Variants in VSTM2L observed in about 807,000 individuals in gnomAD.
The protein encoded by VSTM2L is V-set and transmembrane domain containing 2 like.
A neutral mutation model predicts 19.9 loss-of-function variants in VSTM2L; 9 were observed. The observed-to-expected ratio is 0.45, with a 90% CI of 0.27 to 0.79. The LOEUF is 0.79. VSTM2L is among the 30% of genes least tolerant of loss of function. The pLI, the probability that VSTM2L is intolerant of heterozygous loss-of-function variation, is 0.15. For synonymous variants in VSTM2L, 127 were observed against 133.8 expected (o/e 0.95, Z 0.35); for missense variants, 286 against 295.5 (o/e 0.97, Z 0.24).
chr20:37,913,244 C>T (rs932425936), intron 1 of VSTM2L, among the ~76,000 whole-genome samples: 3 of 152,164 alleles, frequency 2.0e-5, no homozygotes, highest in Admixed American at 1.3e-4. Context: ...TGGATTGTTT[C>T]CTCAAAAAAA....
chr20:37,921,397 G>C (rs1374951170), intron 1 of VSTM2L, among the ~76,000 whole-genome samples: 1 of 152,214 alleles, frequency 6.6e-6, no homozygotes, highest in Non-Finnish European at 1.5e-5. Flanking sequence ...TGAGGCCCAA[G>C]TACGGGAGCT....
chr20:37,941,390 G>T (rs1221020039), intron 3 of VSTM2L, among the ~76,000 whole-genome samples: 1 of 152,226 alleles, frequency 6.6e-6, no homozygotes, highest in Non-Finnish European at 1.5e-5. Flanking sequence ...AGAGGGCCCA[G>T]CACGCGCAAA....
intron 1 of VSTM2L, among the ~76,000 whole-genome samples, chr20:37,914,699 C>A (rs547792230): frequency 6.6e-6 from 1 of 152,154 alleles, no homozygotes; most frequent in Non-Finnish European, 1.5e-5. Flanking sequence ...CCGCATCGCA[C>A]GGCCCGCAGC....
rs186585114 is a variant in VSTM2L, at chr20:37,924,369, A to G, written c.122-7266A>G. 2.6e-5 allele frequency among the ~76,000 whole-genome samples: 4 copies of G among 152,222 alleles called. No homozygotes were observed. In the East Asian group the frequency reaches 5.8e-4, roughly 22 times the overall value. On this transcript the variant is annotated intron_variant, in intron 1 of 3. Transcript: ENST00000373461. ...GGAGTTTGAGACCAGCCTGGCCAACATGGTGAAACTCCATCTCTACTAAAA... is the reference window on the plus strand; with the variant it reads ...GGAGTTTGAGACCAGCCTGGCCAACGTGGTGAAACTCCATCTCTACTAAAA...
At chr20:37,926,959 A>G (rs1482655391) in intron 1 of VSTM2L, among the ~76,000 whole-genome samples, 1 of 152,206 alleles carries the variant, frequency 6.6e-6, no homozygotes, top group Non-Finnish European at 1.5e-5. Flanking sequence ...AGAGTGGAAC[A>G]TGTCTCATTA....
intron 1 of VSTM2L, among the ~76,000 whole-genome samples, chr20:37,921,072 C>T (rs1389054271): frequency 6.6e-6 from 1 of 152,196 alleles, no homozygotes; most frequent in African/African-American, 2.4e-5. Context: ...TGTCATATAA[C>T]ACACTCCAGA....
chr20:37,923,138 G>A (rs2072861671), intron 1 of VSTM2L, among the ~76,000 whole-genome samples: 1 of 152,200 alleles, frequency 6.6e-6, no homozygotes. Context: ...CCGAGGCTCT[G>A]AGAAGCAAAG....
intron 1 of VSTM2L, among the ~76,000 whole-genome samples, chr20:37,906,317 G>A (rs2072751851): frequency 6.6e-6 from 1 of 152,210 alleles, no homozygotes; most frequent in South Asian, 2.1e-4. Flanking sequence ...AATGAATGGG[G>A]AGCATGTATC....
At chr20:37,943,051 G>A (rs1260660961) in intron 3 of VSTM2L, among the ~76,000 whole-genome samples, 1 of 151,208 alleles carries the variant, frequency 6.6e-6, no homozygotes, top group Non-Finnish European at 1.5e-5. Flanking sequence ...TGCAACCTCC[G>A]CCTCCTGGGT....
intron 1 of VSTM2L, among the ~76,000 whole-genome samples, chr20:37,912,809 ATCTC>A (rs371356971): frequency 2.0e-5 from 3 of 151,332 alleles, no homozygotes; most frequent in Non-Finnish European, 3.0e-5. Flanking sequence ...TACTCTCTGG[ATCTC>A]TCTCTCTCCC....
At chr20:37,924,863 CGG>C (rs1774039745) in intron 1 of VSTM2L, among the ~76,000 whole-genome samples, 1 of 152,076 alleles carries the variant, frequency 6.6e-6, no homozygotes, top group Non-Finnish European at 1.5e-5. Flanking sequence ...AAGTGGGATG[CGG>C]AAGTGTGGAG....
Position 37,903,425 on chromosome 20 carries a change from G to A in VSTM2L, c.75G>A (p.Thr25=). Residue 25 remains threonine, a synonymous_variant, in exon 1 of 4, where the codon ACG becomes ACA. Transcript: ENST00000373461. ...LALFLQLGGA[T]RPAGHAPWDN... is the part of the protein sequence containing the mutation. ...TTTTCCTGCAACTCGGCGGCGCCAC[G>A]CGGCCCGCCGGCCACGCGCCCTGGG... 1 of 1,487,816 alleles carries A rather than the reference G, an allele frequency of 6.7e-7. No individual in the cohort carries two copies. Among genetic ancestry groups the A allele is most frequent in the South Asian group, 1.3e-5 (1 of 79,410 alleles). The allele number at this position is 1,487,816 out of a possible 1,614,324, so 92.2% of individuals were successfully genotyped here.
chr20:37,943,078 G>A (rs2072982445), intron 3 of VSTM2L, among the ~76,000 whole-genome samples: 1 of 151,182 alleles, frequency 6.6e-6, no homozygotes, highest in African/African-American at 2.4e-5. Context: ...AGTGATTTTC[G>A]TGCCTCAGTC....
rs532819005 is a variant in VSTM2L at position 37,944,196 on chromosome 20, C to G, written c.558C>G (p.Pro186=). Residue 186 remains proline, a synonymous_variant, in exon 4 of 4, where the codon CCC becomes CCG. Coordinates refer to ENST00000373461, the MANE Select transcript of VSTM2L (RefSeq NM_080607.3). ...APPAAPAPPP[P]KPGKELRKRS... is the part of the protein sequence containing the mutation. ...CCGCCGCGCCCGCCCCGCCGCCCCC[C>G]AAGCCAGGCAAGGAGCTGAGGAAGC... is the stretch of plus-strand genomic sequence containing the variant. 198 of 1,539,774 alleles carry G rather than the reference C, an allele frequency of 1.3e-4. No homozygotes were observed. The African/African-American group carries it at 2.6e-3, about 20-fold the overall frequency.
chr20:37,903,173 G>A lies in VSTM2L; in HGVS notation c.-178G>A, dbSNP rs552627302. ...GGCGTGCGCTCGCTCCCCGAAGCCG[G>A]GGCTGGGCCGGAGCCGGGCGAGGGC... is the stretch of plus-strand genomic sequence containing the variant. On this transcript the variant is annotated 5_prime_UTR_variant, in exon 1 of 4. Coordinates refer to ENST00000373461, the MANE Select transcript of VSTM2L (RefSeq NM_080607.3). 1 of 843,582 alleles carries A rather than the reference G, an allele frequency of 1.2e-6. No individual in the cohort carries two copies. Among genetic ancestry groups the A allele is most frequent in the Admixed American group, 4.7e-5 (1 of 21,476 alleles). 52.3% of individuals were successfully genotyped at this position (843,582 alleles called of 1,614,324 possible). A position where few individuals can be genotyped will look rare whatever the true frequency, so the allele number is the denominator to read the frequency against.
chr20:37,945,288 G>A lies in VSTM2L; in HGVS notation c.*1035G>A. 1 of 985,348 alleles carries A rather than the reference G, an allele frequency of 1.0e-6. No homozygotes were observed. The highest frequency in any genetic ancestry group is 1.2e-6 in the Non-Finnish European group (1 of 829,856). The allele number at this position is 985,348 out of a possible 1,614,324, so 61.0% of individuals were successfully genotyped here. A position where few individuals can be genotyped will look rare whatever the true frequency, so the allele number is the denominator to read the frequency against. ...CGAGGGCTTTGCCTAGGGGTGGGTT[G>A]CCCTGTATACATGATCCAGTCTGTG... On this transcript the variant is annotated 3_prime_UTR_variant, in exon 4 of 4. Coordinates refer to ENST00000373461, the MANE Select transcript of VSTM2L (RefSeq NM_080607.3).
At chr20:37,903,789 TCTC>T (rs1204440788) in intron 1 of VSTM2L, among the ~76,000 whole-genome samples, 1 of 151,954 alleles carries the variant, frequency 6.6e-6, no homozygotes, top group Non-Finnish European at 1.5e-5. Flanking sequence ...ACCCTGCACA[TCTC>T]CACACACCTC....
rs571245630 is a variant in VSTM2L at position 37,912,405 on chromosome 20, T to C, written c.121+8934T>C. ...GCTCTGCGTCTGGGTCCAGCACTGT[T>C]AGTGGGAAGCAGTGGGGCTCTGGGG... On this transcript the variant is annotated intron_variant, in intron 1 of 3. Coordinates refer to ENST00000373461, the MANE Select transcript of VSTM2L (RefSeq NM_080607.3). Among the ~76,000 whole-genome samples, 21 of 152,330 alleles carry C rather than the reference T, an allele frequency of 1.4e-4. 1 individual carries two copies. The South Asian group carries it at 4.4e-3, about 32-fold the overall frequency.
chr20:37,920,520 C>A (rs987028498), intron 1 of VSTM2L, among the ~76,000 whole-genome samples: 1 of 152,216 alleles, frequency 6.6e-6, no homozygotes, highest in African/African-American at 2.4e-5. Flanking sequence ...TATGGGCCAT[C>A]TCAGGGGGAG....
Sources: allele counts gnomAD v4.1 joint callset (sites outside exome capture counted in the v4.1 genomes callset), GRCh38; gene constraint gnomAD v4.1.1; transcripts MANE v1.5; gene names NCBI Gene and HGNC (gene_info 2026-07-23, HGNC 2026-07-21).